Variants in ZFYVE27 observed in about 807,000 individuals in gnomAD.
ZFYVE27 encodes protrudin.
In ZFYVE27, 36 loss-of-function variants were observed where a neutral mutation model predicts 52.8. That is an observed-to-expected ratio of 0.68 (90% CI 0.52 to 0.90). The LOEUF (loss-of-function observed/expected upper bound fraction) is 0.90, where lower values mean the gene tolerates loss of function less well. Ranked by LOEUF, ZFYVE27 falls within the 40% of genes least tolerant of loss-of-function variation. The probability of loss-of-function intolerance (pLI) is 0.00; values close to 1 mark genes in which losing one functional copy is unlikely to be tolerated. For synonymous variants in ZFYVE27, 223 were observed against 215.6 expected (o/e 1.03, Z -0.30); for missense variants, 450 against 527.2 (o/e 0.85, Z 1.43).
chr10:97,741,855 G>T (rs2135967268), intron 2 of ZFYVE27, among the ~76,000 whole-genome samples: 1 of 152,334 alleles, frequency 6.6e-6, no homozygotes, highest in Non-Finnish European at 1.5e-5. Flanking sequence ...TTTAGCCCCA[G>T]CACGGTAGCT....
intron 2 of ZFYVE27, among the ~76,000 whole-genome samples, chr10:97,740,867 C>T (rs920808027): frequency 6.6e-6 from 1 of 152,202 alleles, no homozygotes; most frequent in East Asian, 1.9e-4. Flanking sequence ...CAGACTCTCT[C>T]CTGGGATCAG....
chr10:97,754,000 C>T (rs1460420487), intron 10 of ZFYVE27, among the ~76,000 whole-genome samples: 1 of 152,144 alleles, frequency 6.6e-6, no homozygotes, highest in Non-Finnish European at 1.5e-5. Context: ...GAGCCACATA[C>T]AATTATGGTG....
intron 5 of ZFYVE27, among the ~76,000 whole-genome samples, chr10:97,748,769 T>A (rs2046155917): frequency 6.6e-6 from 1 of 152,174 alleles, no homozygotes. Flanking sequence ...TTGGAATTAT[T>A]TATAATACCA....
At chr10:97,749,684 G>T in intron 6 of ZFYVE27, 98 bp downstream of exon 6, 1 of 1,016,254 alleles carries the variant, frequency 9.8e-7, no homozygotes, top group South Asian at 1.3e-5. Flanking sequence ...TCATCAGTTT[G>T]CTGTGCTTCC....
intron 4 of ZFYVE27, 76 bp from the exon 5 acceptor site, chr10:97,748,193 C>T: frequency 7.3e-7 from 1 of 1,372,298 alleles, no homozygotes; most frequent in East Asian, 2.3e-5. Context: ...CCCTAGCCAA[C>T]TGTACCTGCA....
intron 12 of ZFYVE27, 120 bp downstream of exon 12, chr10:97,757,843 G>A: frequency 1.0e-6 from 1 of 975,646 alleles, no homozygotes; most frequent in Non-Finnish European, 1.6e-6. Flanking sequence ...CAGGCCTACG[G>A]GAACGTTTCC....
chr10:97,751,528 T>C (rs2136224506), intron 8 of ZFYVE27, 66 bp downstream of exon 8: 1 of 1,524,416 alleles, frequency 6.6e-7, no homozygotes, highest in Non-Finnish European at 9.1e-7. Flanking sequence ...TGGAGCTGTT[T>C]TTTGTTTTTG....
chr10:97,743,042 C>G (rs2044168318), intron 2 of ZFYVE27, 52 bp from the exon 3 acceptor site: 1 of 1,602,222 alleles, frequency 6.2e-7, no homozygotes. Context: ...GGTCTCCCCT[C>G]CCCAGCTGGA....
At chr10:97,746,656 T>C (rs1041064059) in intron 4 of ZFYVE27, among the ~76,000 whole-genome samples, 9 of 152,012 alleles carry the variant, frequency 5.9e-5, no homozygotes, top group African/African-American at 2.2e-4. Flanking sequence ...TAAAGTTCTT[T>C]TTCTTCTTTT....
chr10:97,748,112 T>C lies in ZFYVE27; in HGVS notation c.456-157T>C, dbSNP rs11189352. Reference sequence around the variant, plus strand: ...GTAGCTGGGGTGGCTTAGCCAGGCCTGTTTCTCCCATGCTCTCTCGACTCC... The same window carrying C: ...GTAGCTGGGGTGGCTTAGCCAGGCCCGTTTCTCCCATGCTCTCTCGACTCC... On this transcript the variant is annotated intron_variant, in intron 4 of 12. Transcript: ENST00000684270. Among the ~76,000 whole-genome samples the C allele has an allele frequency of 0.7, 106,325 of 152,074 alleles. 37,418 individuals carry two copies. The highest frequency in any genetic ancestry group is 0.78 in the Middle Eastern group (229 of 292).
At chr10:97,758,617 C>T (rs2049015134) in intron 12 of ZFYVE27, among the ~76,000 whole-genome samples, 1 of 152,176 alleles carries the variant, frequency 6.6e-6, no homozygotes, top group African/African-American at 2.4e-5. Context: ...CCACCGCCCC[C>T]AGCCCAAGTT....
At chr10:97,754,757 T>C (rs1480270315) in intron 10 of ZFYVE27, 1 of 1,289,298 alleles carries the variant, frequency 7.8e-7, no homozygotes, top group Non-Finnish European at 1.0e-6. Context: ...TCTTAAGGGT[T>C]CAGAGCAGCC....
intron 6 of ZFYVE27, 189 bp from the exon 7 acceptor site, chr10:97,750,142 G>A (rs1056779527): frequency 9.3e-6 from 6 of 648,402 alleles, no homozygotes; most frequent in African/African-American, 9.0e-5. Context: ...GTAGCTGTCT[G>A]GGGCAGGTGG....
intron 7 of ZFYVE27, among the ~76,000 whole-genome samples, chr10:97,751,064 C>A (rs904044783): frequency 6.6e-6 from 1 of 152,162 alleles, no homozygotes; most frequent in African/African-American, 2.4e-5. Context: ...AGAAAGAGAT[C>A]ATTCTCATTT....
chr10:97,750,562 G>T, intron 7 of ZFYVE27, 92 bp downstream of exon 7: 1 of 1,559,736 alleles, frequency 6.4e-7, no homozygotes, highest in Non-Finnish European at 8.7e-7. Flanking sequence ...GGCCTCTGTT[G>T]TAGTTCCTGC....
rs1207574279 is a variant in ZFYVE27 at position 97,750,327 on chromosome 10, G to A, written c.665-4G>A. 1 of 1,613,998 alleles carries A rather than the reference G, an allele frequency of 6.2e-7. No individual in the cohort carries two copies. The highest frequency in any genetic ancestry group is 1.7e-5 in the Admixed American group (1 of 60,024). Reference sequence around the variant, plus strand: ...TCCTACCTTGTTCTCCATTCCCTGGGTAGTTGTGTCTGAGTACAGGGCATC... The same window carrying A: ...TCCTACCTTGTTCTCCATTCCCTGGATAGTTGTGTCTGAGTACAGGGCATC... On this transcript the variant is annotated splice_region_variant and splice_polypyrimidine_tract_variant and intron_variant, in intron 6 of 12. Coordinates refer to ENST00000684270, the MANE Select transcript of ZFYVE27 (RefSeq NM_001385875.1).
chr10:97,750,934 G>C (rs1246603374), intron 7 of ZFYVE27, among the ~76,000 whole-genome samples: 1 of 152,038 alleles, frequency 6.6e-6, no homozygotes, highest in Non-Finnish European at 1.5e-5. Flanking sequence ...GTAAAGATGA[G>C]GTTTTGCCAT....
intron 12 of ZFYVE27, chr10:97,758,241 T>G (rs1401256007): frequency 6.6e-6 from 1 of 152,622 alleles, no homozygotes; most frequent in African/African-American, 2.4e-5. Flanking sequence ...TTAGCTTGCA[T>G]GTAGAATAAA....
chr10:97,746,489 T>C (rs2045464542), intron 4 of ZFYVE27, among the ~76,000 whole-genome samples: 2 of 152,202 alleles, frequency 1.3e-5, no homozygotes, highest in South Asian at 2.1e-4. Context: ...CCTAAACCAT[T>C]TGAAAGTAAG....
Sources: gnomAD v4.1 joint callset for allele counts (sites outside exome capture counted in the v4.1 genomes callset) on GRCh38, gnomAD v4.1.1 for gene constraint, MANE v1.5 for transcripts, NCBI Gene and HGNC (gene_info 2026-07-23, HGNC 2026-07-21) for gene names.